Variants in FHDC1 observed in about 807,000 individuals in gnomAD.
The protein encoded by FHDC1 is FH2 domain-containing protein 1.
In FHDC1, 25 loss-of-function variants were observed where a neutral mutation model predicts 52.6. The observed-to-expected ratio is 0.48, with a 90% CI of 0.35 to 0.66. The LOEUF is 0.66. Ranked by LOEUF, FHDC1 falls within the 30% of genes least tolerant of loss-of-function variation. FHDC1 has a pLI of 0.01. For synonymous variants in FHDC1, 616 were observed against 581.5 expected (o/e 1.06, Z -0.85); for missense variants, 1,459 against 1,452.8 (o/e 1.00, Z -0.07).
At chr4:152,920,992 T>C in the FHDC1 span, among the ~76,000 whole-genome samples, 3 of 152,084 alleles carry the variant, frequency 2.0e-5, no homozygotes, top group Admixed American at 2.0e-4. Flanking sequence ...GCTTGGACTT[T>C]CTGGTTTGTC....
At position 152,976,193 on chromosome 4, in the gene FHDC1, C is replaced by A. The variant is rs201411610; in HGVS notation, c.2902C>A (p.Arg968Ser). 36 of 1,612,574 alleles carry A rather than the reference C, an allele frequency of 2.2e-5. No individual in the cohort carries two copies. The highest frequency in any genetic ancestry group is 3.0e-5 in the Non-Finnish European group (35 of 1,179,776). Residue 968 changes from arginine to serine, a missense_variant, in exon 12 of 12, where the codon CGT becomes AGT. Coordinates refer to ENST00000511601, the MANE Select transcript of FHDC1 (RefSeq NM_001371116.1). The stretch of plus-strand genomic sequence containing the variant: ...GGGGAGCAGCGGCTCCAGCAGCACC[C>A]GTCCGGGGAGGGACGTTCCCCTGCA... The part of the protein sequence containing the change: ...PRGSSGSSST[R>S]PGRDVPLQPR...
intron 1 of FHDC1, among the ~76,000 whole-genome samples, chr4:152,938,190 CTT>C (rs72024131): frequency 0.016 from 2,246 of 136,246 alleles, 55 homozygotes; most frequent in African/African-American, 0.056. Context: ...CACGCATGTG[CTT>C]TTTTTTTTTT....
chr4:152,940,712 T>C (rs1370331945), intron 1 of FHDC1, among the ~76,000 whole-genome samples: 1 of 152,218 alleles, frequency 6.6e-6, no homozygotes, highest in East Asian at 1.9e-4. Flanking sequence ...AGTCAGCATA[T>C]CTGGAATTGG....
Position 152,949,124 on chromosome 4 carries a change from T to TAATAATAATAATAAG in FHDC1, c.499-4373_499-4372insTAATAATAATAAGAA, listed in dbSNP as rs1347590282. 6.7e-5 allele frequency among the ~76,000 whole-genome samples: 5 copies of TAATAATAATAATAAG among 74,700 alleles called. No homozygotes were observed. The East Asian group carries it at 1.4e-3, about 21-fold the overall frequency. The allele number at this position is 74,700 out of a possible 152,430, so 49.0% of individuals were successfully genotyped here. A position where few individuals can be genotyped will look rare whatever the true frequency, so the allele number is the denominator to read the frequency against. The stretch of plus-strand genomic sequence containing the variant: ...ATAATAATAATAATAATAATAATAA[T>TAATAATAATAATAAG]AAGAAGAAGAAGAAGAAGAAGAAGA... On this transcript the variant is annotated intron_variant, in intron 2 of 11. Transcript: ENST00000511601.
In FHDC1 at chr4:152,975,564, G is replaced by T; in HGVS notation, c.2273G>T (p.Gly758Val). 1 of 1,613,634 alleles carries T rather than the reference G, an allele frequency of 6.2e-7. No homozygotes were observed. The highest frequency in any genetic ancestry group is 8.5e-7 in the Non-Finnish European group (1 of 1,180,036). ...EPGSAALGSV[G>V]SSDPENKDPR... is the part of the protein sequence containing the mutation. The stretch of plus-strand genomic sequence containing the variant: ...GGAAGTGCAGCTTTGGGATCTGTGG[G>T]TAGCAGCGACCCTGAGAACAAAGAT... Residue 758 changes from glycine to valine, a missense_variant, in exon 12 of 12, where the codon GGT becomes GTT. Gly to Val is a moderately radical substitution (Grantham distance 109). Coordinates refer to ENST00000511601, the MANE Select transcript of FHDC1 (RefSeq NM_001371116.1).
the FHDC1 span, among the ~76,000 whole-genome samples, chr4:152,915,436 A>T: frequency 6.6e-6 from 1 of 152,212 alleles, no homozygotes; most frequent in Non-Finnish European, 1.5e-5. Flanking sequence ...TTCTTAATTC[A>T]AAGGAGCCAT....
At chr4:152,968,198 C>T in intron 10 of FHDC1, 101 bp downstream of exon 10, 1 of 779,608 alleles carries the variant, frequency 1.3e-6, no homozygotes, top group South Asian at 1.8e-5. Context: ...CAGCAGTTCC[C>T]ATTCATATTT....
chr4:152,972,844 A>G (rs1740681779), intron 11 of FHDC1, among the ~76,000 whole-genome samples: 1 of 152,178 alleles, frequency 6.6e-6, no homozygotes. Context: ...TTCCTCCATG[A>G]TGGCTGTCAT....
chr4:152,952,590 A>G (rs1291946639), intron 2 of FHDC1, among the ~76,000 whole-genome samples: 2 of 152,186 alleles, frequency 1.3e-5, no homozygotes, highest in African/African-American at 4.8e-5. Context: ...ACATAACATA[A>G]TTTACATTGT....
intron 11 of FHDC1, among the ~76,000 whole-genome samples, chr4:152,972,876 G>A (rs1175076859): frequency 1.3e-5 from 2 of 152,226 alleles, no homozygotes; most frequent in Non-Finnish European, 2.9e-5. Flanking sequence ...GTCTCTTGAA[G>A]ATCCTGAATG....
At chr4:152,925,896 GGGAGAAGGAGAA>G in the FHDC1 span, among the ~76,000 whole-genome samples, 4 of 151,058 alleles carry the variant, frequency 2.6e-5, no homozygotes, top group African/African-American at 4.9e-5. Context: ...AGGAGGAGGA[GGGAGAAGGAGAA>G]GGAGAAGGAG....
chr4:152,962,736 C>T, intron 6 of FHDC1, 78 bp from the exon 7 acceptor site: 3 of 1,209,170 alleles, frequency 2.5e-6, no homozygotes, highest in Non-Finnish European at 3.7e-6. Context: ...TACACTTGAA[C>T]TTGGATGTGG....
chr4:152,953,225 C>T (rs371470192), intron 2 of FHDC1, among the ~76,000 whole-genome samples: 5 of 152,054 alleles, frequency 3.3e-5, no homozygotes, highest in East Asian at 1.9e-4. Flanking sequence ...AGGTCGGGAC[C>T]ATCTGTATAT....
rs374797967 is a variant in FHDC1, at chr4:152,967,997, C to T, written c.1118C>T (p.Thr373Met). ...QKTARLSLEN[T>M]EAELHLLFVR... ...TCTTTTAGATTATCTCTGGAGAACA[C>T]GGAGGCAGAACTGCACTTGCTGTTT... The change falls in exon 10 of 12, where the codon ACG becomes ATG. Residue 373 changes from threonine to methionine, a missense_variant. Transcript: ENST00000511601. 1.7e-4 allele frequency: 269 copies of T among 1,612,980 alleles called. 2 individuals are homozygous for T. Among genetic ancestry groups the T allele is most frequent in the Admixed American group, 1.5e-3 (90 of 59,884 alleles).
chr4:152,945,721 T>G (rs995625712), intron 2 of FHDC1, among the ~76,000 whole-genome samples: 1 of 152,344 alleles, frequency 6.6e-6, no homozygotes, highest in African/African-American at 2.4e-5. Context: ...CCTCCCAAAG[T>G]GCTGGGATTA....
rs745534942 is a variant in FHDC1, at chr4:152,976,036, C to T, written c.2745C>T (p.Ala915=). Reference sequence around the variant, plus strand: ...CCATCACCAAGTCCAGCAGAGGCGCCGGCTGGAGGCGACCAGAGCTGTCAT... The same window carrying T: ...CCATCACCAAGTCCAGCAGAGGCGCTGGCTGGAGGCGACCAGAGCTGTCAT... ...VMPITKSSRG[A]GWRRPELSSR... Residue 915 remains alanine, a synonymous_variant, in exon 12 of 12, where the codon GCC becomes GCT. Coordinates refer to ENST00000511601, the MANE Select transcript of FHDC1 (RefSeq NM_001371116.1). 21 of 1,566,330 alleles carry T rather than the reference C, an allele frequency of 1.3e-5. No homozygotes were observed. Among genetic ancestry groups the T allele is most frequent in the Non-Finnish European group, 1.8e-5 (21 of 1,160,788 alleles).
chr4:152,975,112 C>T lies in FHDC1; in HGVS notation c.1821C>T (p.Gly607=), dbSNP rs757479416. The change falls in exon 12 of 12, where the codon GGC becomes GGT. Residue 607 remains glycine, a synonymous_variant. Transcript: ENST00000511601. ...SFAHKPQASG[G]QEEAPNPPSA... ...CACACAAACCTCAGGCCTCGGGGGGCCAGGAGGAGGCCCCCAACCCACCCT... is the reference window on the plus strand; with the variant it reads ...CACACAAACCTCAGGCCTCGGGGGGTCAGGAGGAGGCCCCCAACCCACCCT... 4 of 1,612,606 alleles carry T rather than the reference C, an allele frequency of 2.5e-6. No individual in the cohort carries two copies. Among genetic ancestry groups the T allele is most frequent in the Non-Finnish European group, 3.4e-6 (4 of 1,179,984 alleles).
At chr4:152,924,096 G>A in the FHDC1 span, among the ~76,000 whole-genome samples, 24 of 151,306 alleles carry the variant, frequency 1.6e-4, no homozygotes, top group South Asian at 4.2e-4. Flanking sequence ...GAAAATTTTC[G>A]CAACCTACTC....
the FHDC1 span, among the ~76,000 whole-genome samples, chr4:152,919,162 A>G: frequency 6.6e-6 from 1 of 152,278 alleles, no homozygotes; most frequent in South Asian, 2.1e-4. Flanking sequence ...TTTGCTGGTG[A>G]TGAAAATCAC....
Sources: gnomAD v4.1 joint callset for allele counts (sites outside exome capture counted in the v4.1 genomes callset) on GRCh38, gnomAD v4.1.1 for gene constraint, MANE v1.5 for transcripts, NCBI Gene and HGNC (gene_info 2026-07-23, HGNC 2026-07-21) for gene names.